The following RASSF8 variants were observed in gnomAD, a reference collection of about 807,000 sequenced individuals.
The protein encoded by RASSF8 is ras association domain-containing protein 8.
RASSF8 carries 22 observed loss-of-function variants against 48.5 expected under a neutral mutation model. The observed-to-expected ratio is 0.45, with a 90% CI of 0.32 to 0.65. The LOEUF is 0.65. Ranked by LOEUF, RASSF8 falls within the 30% of genes least tolerant of loss-of-function variation. RASSF8 has a pLI of 0.03. For synonymous variants in RASSF8, 127 were observed against 171.5 expected, an observed-to-expected ratio of 0.74 and a Z score of 2.03; for missense variants, 418 against 489.2, an observed-to-expected ratio of 0.85 and a Z score of 1.37.
chr12:25,977,224 CTG>C (rs1333548921), intron 1 of RASSF8, among the ~76,000 whole-genome samples: 1 of 152,190 alleles, frequency 6.6e-6, no homozygotes, highest in Non-Finnish European at 1.5e-5. Flanking sequence ...CTGACTGATT[CTG>C]ACTTATTACC....
At chr12:26,039,702 A>G (rs1328030410) in intron 2 of RASSF8, among the ~76,000 whole-genome samples, 1 of 152,200 alleles carries the variant, frequency 6.6e-6, no homozygotes, top group Non-Finnish European at 1.5e-5. Flanking sequence ...TTTTCTAATA[A>G]TATGAATTTT....
At chr12:25,979,987 G>A (rs56318236) in intron 1 of RASSF8, among the ~76,000 whole-genome samples, 8 of 152,150 alleles carry the variant, frequency 5.3e-5, no homozygotes, top group Admixed American at 5.2e-4. Flanking sequence ...CTTGGAAAAG[G>A]TGACTCTTAA....
intron 2 of RASSF8, chr12:26,020,291 AC>A (rs1284992108): frequency 6.6e-6 from 1 of 152,024 alleles, no homozygotes; most frequent in Non-Finnish European, 1.5e-5. Flanking sequence ...CATTGGAGGG[AC>A]CCTGGCCCAG....
intron 2 of RASSF8, among the ~76,000 whole-genome samples, chr12:26,016,401 T>G (rs1396722154): frequency 6.6e-6 from 1 of 152,162 alleles, no homozygotes; most frequent in East Asian, 1.9e-4. Flanking sequence ...CCAATAATCT[T>G]TAACTGTAGC....
chr12:26,011,504 ATAAT>A (rs769761725), intron 2 of RASSF8, among the ~76,000 whole-genome samples: 5 of 152,276 alleles, frequency 3.3e-5, no homozygotes, highest in African/African-American at 7.2e-5. Flanking sequence ...ATAACTTGAC[ATAAT>A]TAATTAATTG....
At chr12:25,961,237 T>C (rs706522) in intron 1 of RASSF8, among the ~76,000 whole-genome samples, 136,443 of 152,134 alleles carry the variant, frequency 0.9, 61,329 homozygotes, top group East Asian at 0.99. Context: ...GATATTGTTG[T>C]CTTTTTCTTA....
intron 1 of RASSF8, among the ~76,000 whole-genome samples, chr12:25,977,468 A>G (rs769612592): frequency 1.3e-5 from 2 of 152,010 alleles, no homozygotes; most frequent in Admixed American, 1.3e-4. Flanking sequence ...TCTTTCATTT[A>G]TATGATTATT....
At chr12:25,997,639 G>T (rs1329776313) in intron 2 of RASSF8, among the ~76,000 whole-genome samples, 2 of 152,154 alleles carry the variant, frequency 1.3e-5, no homozygotes, top group African/African-American at 4.8e-5. Context: ...GTTTTAGAAG[G>T]CTTGAAATGA....
intron 2 of RASSF8, among the ~76,000 whole-genome samples, chr12:26,015,829 T>C (rs1348287651): frequency 7.0e-6 from 1 of 142,960 alleles, no homozygotes. Context: ...TGTTCAGTGG[T>C]ACAATTTCTC....
chr12:26,077,141 T>A (rs948658508), downstream of RASSF8, among the ~76,000 whole-genome samples: 2 of 152,204 alleles, frequency 1.3e-5, no homozygotes, highest in African/African-American at 2.4e-5. Flanking sequence ...GTTTGAGTTC[T>A]TTGTAGATTC....
At position 26,055,309 on chromosome 12, in the gene RASSF8, A is replaced by T; in HGVS notation, c.-35A>T. The T allele has an allele frequency of 1.3e-6, 2 of 1,535,162 alleles. No homozygotes were observed. Among genetic ancestry groups the T allele is most frequent in the Non-Finnish European group, 1.8e-6 (2 of 1,108,366 alleles). On this transcript the variant is annotated 5_prime_UTR_variant, in exon 3 of 6. Coordinates refer to ENST00000689635, the MANE Select transcript of RASSF8 (RefSeq NM_001394098.1). ...GACATGACCTAACACCCTGATGACC[A>T]CTCTCAGGGACCTTGAGTGACTGGC...
intron 2 of RASSF8, among the ~76,000 whole-genome samples, chr12:26,010,007 G>T (rs979989757): frequency 1.3e-5 from 2 of 152,232 alleles, no homozygotes; most frequent in African/African-American, 4.8e-5. Flanking sequence ...GATGGAGAGA[G>T]TGGTGGTCCT....
At chr12:26,075,207 G>C (rs1321965167), downstream of RASSF8, among the ~76,000 whole-genome samples, 2 of 152,166 alleles carry the variant, frequency 1.3e-5, no homozygotes, top group Non-Finnish European at 2.9e-5. Flanking sequence ...GATACTCCAG[G>C]TGTTTACCAC....
downstream of RASSF8, among the ~76,000 whole-genome samples, chr12:26,074,571 C>T (rs1197760724): frequency 6.6e-6 from 1 of 151,890 alleles, no homozygotes; most frequent in African/African-American, 2.4e-5. Flanking sequence ...TCTTGAACTC[C>T]TGACCTCGTG....
At chr12:26,058,422 C>A (rs1943658015) in intron 3 of RASSF8, among the ~76,000 whole-genome samples, 1 of 152,232 alleles carries the variant, frequency 6.6e-6, no homozygotes, top group African/African-American at 2.4e-5. Flanking sequence ...GACTGATGAC[C>A]AGAACCACAG....
chr12:26,023,049 A>G (rs1018425649), intron 2 of RASSF8, among the ~76,000 whole-genome samples: 1 of 152,188 alleles, frequency 6.6e-6, no homozygotes, highest in Non-Finnish European at 1.5e-5. Context: ...CCTGGCCAGT[A>G]GATTTCAACT....
chr12:25,974,179 A>G (rs1321920623), intron 1 of RASSF8, among the ~76,000 whole-genome samples: 1 of 152,024 alleles, frequency 6.6e-6, no homozygotes, highest in Non-Finnish European at 1.5e-5. Context: ...TTTTTCCCCT[A>G]GAAGATTTAT....
chr12:26,048,744 G>GTTTGT lies in RASSF8; in HGVS notation c.-108-6473_-108-6469dup, dbSNP rs546426461. On this transcript the variant is annotated intron_variant, in intron 2 of 5. Coordinates refer to ENST00000689635, the MANE Select transcript of RASSF8 (RefSeq NM_001394098.1). ...TTTGTTTTTGTTTTGTTTTTTGTTT[G>GTTTGT]TTTGTTTTGTTTTGTTTTGTTTTTT... is the stretch of plus-strand genomic sequence containing the variant. Among the ~76,000 whole-genome samples, 546 of 150,612 alleles carry GTTTGT rather than the reference G, an allele frequency of 3.6e-3. 2 individuals carry two copies. Among genetic ancestry groups the GTTTGT allele is most frequent in the Middle Eastern group, 0.01 (3 of 290 alleles).
rs114530868 is a variant in RASSF8 at position 26,050,163 on chromosome 12, T to A, written c.-108-5073T>A. 3.3e-3 allele frequency among the ~76,000 whole-genome samples: 505 copies of A among 152,326 alleles called. 5 individuals carry two copies. The highest frequency in any genetic ancestry group is 0.012 in the African/African-American group (481 of 41,572). On this transcript the variant is annotated intron_variant, in intron 2 of 5. Coordinates refer to ENST00000689635, the MANE Select transcript of RASSF8 (RefSeq NM_001394098.1). ...GATTCATAGCATGTTTTATACTAGA[T>A]GTGACTGAAATTTTAAAATATGAAT... is the stretch of plus-strand genomic sequence containing the variant.
Sources: gnomAD v4.1 joint callset for allele counts (sites outside exome capture counted in the v4.1 genomes callset) on GRCh38, gnomAD v4.1.1 for gene constraint, MANE v1.5 for transcripts, NCBI Gene and HGNC (gene_info 2026-07-23, HGNC 2026-07-21) for gene names.